The following NAALADL2 variants were observed in gnomAD, a reference collection of about 807,000 sequenced individuals.
NAALADL2 encodes N-acetylated alpha-linked acidic dipeptidase like 2.
NAALADL2 carries 76 observed loss-of-function variants against 87.2 expected under a neutral mutation model. The ratio of observed to expected loss-of-function variants is 0.87; its 90% CI spans 0.72 to 1.05. NAALADL2 has a LOEUF of 1.05. Ranked by LOEUF, NAALADL2 falls within the 50% of genes least tolerant of loss-of-function variation. The pLI is 0.00. For missense variants in NAALADL2, 1,089 were observed against 945.8 expected, an observed-to-expected ratio of 1.15 and a Z score of -1.99; for synonymous variants, 354 against 331.0, an observed-to-expected ratio of 1.07 and a Z score of -0.75.
intron 1 of NAALADL2, among the ~76,000 whole-genome samples, chr3:174,987,568 C>CAAAAAA (rs1159602995): frequency 0.044 from 907 of 20,820 alleles, 124 homozygotes; most frequent in Non-Finnish European, 0.084. Flanking sequence ...GACTCCGTCT[C>CAAAAAA]AAAAAAAAAA....
chr3:174,689,848 C>T (rs1728399066), intron 2 of NAALADL2, among the ~76,000 whole-genome samples: 1 of 152,016 alleles, frequency 6.6e-6, no homozygotes, highest in Non-Finnish European at 1.5e-5. Flanking sequence ...GTTCTAAAGT[C>T]AGAGCAAGAG....
At chr3:174,498,244 T>C (rs1718667277) in intron 1 of NAALADL2, among the ~76,000 whole-genome samples, 1 of 152,062 alleles carries the variant, frequency 6.6e-6, no homozygotes, top group South Asian at 2.1e-4. Context: ...TTTCTTTCAT[T>C]ATATATTAGT....
intron 2 of NAALADL2, among the ~76,000 whole-genome samples, chr3:174,717,204 T>C (rs1291415053): frequency 6.6e-6 from 1 of 152,262 alleles, no homozygotes; most frequent in South Asian, 2.1e-4. Context: ...GAACAGATCT[T>C]AAAGCATCAT....
At chr3:174,726,565 C>T (rs963412351) in intron 2 of NAALADL2, among the ~76,000 whole-genome samples, 9 of 152,114 alleles carry the variant, frequency 5.9e-5, no homozygotes, top group South Asian at 2.1e-4. Flanking sequence ...GAGCCCATTC[C>T]GAATCCCAGC....
intron 2 of NAALADL2, among the ~76,000 whole-genome samples, chr3:174,646,631 A>G (rs2108745288): frequency 6.6e-6 from 1 of 152,246 alleles, no homozygotes; most frequent in East Asian, 1.9e-4. Context: ...TTTCAATTTT[A>G]ATTTTATAAT....
intron 5 of NAALADL2, among the ~76,000 whole-genome samples, chr3:175,387,094 G>A (rs1768479054): frequency 6.6e-6 from 1 of 151,972 alleles, no homozygotes; most frequent in South Asian, 2.1e-4. Context: ...CTTTTGCTTT[G>A]TACTTCAAAC....
intron 9 of NAALADL2, among the ~76,000 whole-genome samples, chr3:175,517,994 C>G (rs939986165): frequency 5.9e-5 from 9 of 152,120 alleles, no homozygotes; most frequent in Non-Finnish European, 1.3e-4. Flanking sequence ...ATGTTGTCTG[C>G]TTTTTGCTGT....
chr3:174,894,163 A>G (rs1413703970), intron 1 of NAALADL2, among the ~76,000 whole-genome samples: 1 of 152,190 alleles, frequency 6.6e-6, no homozygotes, highest in Non-Finnish European at 1.5e-5. Flanking sequence ...AATTTTAAAT[A>G]TATATATGCA....
At chr3:175,420,128 C>A (rs113284157) in intron 5 of NAALADL2, among the ~76,000 whole-genome samples, 8 of 151,976 alleles carry the variant, frequency 5.3e-5, no homozygotes, top group African/African-American at 1.9e-4. Context: ...TATACAGATG[C>A]CCGCAGTTAG....
chr3:174,656,279 A>AT (rs768623029), intron 2 of NAALADL2, among the ~76,000 whole-genome samples: 14 of 152,220 alleles, frequency 9.2e-5, no homozygotes, highest in Non-Finnish European at 1.0e-4. Context: ...ATTCCCCATC[A>AT]TGCAGAGAGA....
intron 2 of NAALADL2, among the ~76,000 whole-genome samples, chr3:175,103,311 C>T (rs1296021296): frequency 6.6e-6 from 1 of 152,012 alleles, no homozygotes; most frequent in Non-Finnish European, 1.5e-5. Flanking sequence ...CTTTTCTCTT[C>T]CTTCTGTCTC....
intron 5 of NAALADL2, among the ~76,000 whole-genome samples, chr3:175,418,610 G>T (rs770348761): frequency 6.6e-6 from 1 of 152,006 alleles, no homozygotes; most frequent in Non-Finnish European, 1.5e-5. Flanking sequence ...CTCATTATCC[G>T]TGGAAGATGG....
intron 1 of NAALADL2, among the ~76,000 whole-genome samples, chr3:174,957,470 T>G (rs1411261788): frequency 6.6e-6 from 1 of 152,100 alleles, no homozygotes; most frequent in African/African-American, 2.4e-5. Flanking sequence ...GTAGTATTTT[T>G]GTTATTAATA....
chr3:175,107,725 G>A (rs1343632922), intron 2 of NAALADL2, among the ~76,000 whole-genome samples: 2 of 151,354 alleles, frequency 1.3e-5, no homozygotes, highest in East Asian at 3.9e-4. Flanking sequence ...AATTACCAAT[G>A]TTCATTATTA....
At chr3:175,131,184 T>C (rs1361688398) in intron 2 of NAALADL2, among the ~76,000 whole-genome samples, 2 of 149,912 alleles carry the variant, frequency 1.3e-5, no homozygotes, top group Non-Finnish European at 3.0e-5. Flanking sequence ...TGTTCATTCT[T>C]GGGTGTTTCT....
At chr3:174,882,927 GTATA>G (rs1729608403) in intron 1 of NAALADL2, among the ~76,000 whole-genome samples, 1 of 150,660 alleles carries the variant, frequency 6.6e-6, no homozygotes, top group Non-Finnish European at 1.5e-5. Flanking sequence ...GTATATATAT[GTATA>G]TATATGGCAG....
intron 9 of NAALADL2, among the ~76,000 whole-genome samples, chr3:175,495,094 T>TATATATATATATATATATATATATATATA (rs1167550415): frequency 9.0e-5 from 12 of 133,274 alleles, no homozygotes; most frequent in African/African-American, 2.8e-4. Flanking sequence ...ATATATATAT[T>TATATATATATATATATATATATATATATA]TTTTTTTAAT....
At chr3:174,787,591 A>G (rs1379586306) in intron 3 of NAALADL2, among the ~76,000 whole-genome samples, 4 of 65,800 alleles carry the variant, frequency 6.1e-5, no homozygotes, top group African/African-American at 1.5e-4. Flanking sequence ...ATATATATAT[A>G]TATATATATA....
chr3:174,976,291 G>T (rs1744351943), intron 1 of NAALADL2, among the ~76,000 whole-genome samples: 1 of 152,078 alleles, frequency 6.6e-6, no homozygotes, highest in African/African-American at 2.4e-5. Flanking sequence ...ATTTTATGAA[G>T]TACTGGAAAA....
Sources: allele counts gnomAD v4.1 joint callset (sites outside exome capture counted in the v4.1 genomes callset), GRCh38; gene constraint gnomAD v4.1.1; transcripts MANE v1.5; gene names NCBI Gene and HGNC (gene_info 2026-07-23, HGNC 2026-07-21).